TLL2: variants seen among roughly 807,000 people sequenced by gnomAD.
TLL2 encodes the protein tolloid-like protein 2.
In TLL2, 106 loss-of-function variants were observed where a neutral mutation model predicts 123.0. The observed-to-expected ratio is 0.86, with a 90% CI of 0.74 to 1.01. The LOEUF (loss-of-function observed/expected upper bound fraction) is 1.01. Ranked by LOEUF, TLL2 falls within the 50% of genes least tolerant of loss-of-function variation. TLL2 has a pLI of 0.00. For synonymous variants in TLL2, 494 were observed against 516.8 expected, an observed-to-expected ratio of 0.96 and a Z score of 0.60; for missense variants, 1,332 against 1,336.7, an observed-to-expected ratio of 1.00 and a Z score of 0.06.
intron 2 of TLL2, among the ~76,000 whole-genome samples, chr10:96,447,190 T>C (rs1299609142): frequency 6.6e-6 from 1 of 152,184 alleles, no homozygotes; most frequent in African/African-American, 2.4e-5. Flanking sequence ...AGACGGGGAC[T>C]GGGCTTGTCA....
At chr10:96,427,222 T>G (rs1004094301) in intron 5 of TLL2, among the ~76,000 whole-genome samples, 1 of 152,236 alleles carries the variant, frequency 6.6e-6, no homozygotes, top group Non-Finnish European at 1.5e-5. Flanking sequence ...GAAAATATCT[T>G]AATGCTATTT....
At chr10:96,447,571 ATGCCACC>A (rs1554937242) in intron 2 of TLL2, among the ~76,000 whole-genome samples, 2 of 152,174 alleles carry the variant, frequency 1.3e-5, no homozygotes, top group Non-Finnish European at 2.9e-5. Context: ...GGGGCCACCA[ATGCCACC>A]TGCCCTTGGA....
At chr10:96,387,121 C>T (rs1589408509) in intron 13 of TLL2, 43 bp from the exon 14 acceptor site, 1 of 1,599,154 alleles carries the variant, frequency 6.3e-7, no homozygotes, top group Admixed American at 1.7e-5. Flanking sequence ...TGTCAGGAAG[C>T]CTCCTGGCTG....
At chr10:96,454,213 G>A (rs1407230899) in intron 2 of TLL2, among the ~76,000 whole-genome samples, 1 of 152,120 alleles carries the variant, frequency 6.6e-6, no homozygotes, top group African/African-American at 2.4e-5. Flanking sequence ...AGCTTTTGAG[G>A]GGGAATGAGA....
intron 2 of TLL2, among the ~76,000 whole-genome samples, chr10:96,452,599 T>G (rs1846972654): frequency 6.6e-6 from 1 of 152,194 alleles, no homozygotes; most frequent in African/African-American, 2.4e-5. Flanking sequence ...AAACTGAGGC[T>G]CATGAATAAG....
chr10:96,439,416 T>C (rs950662142), intron 3 of TLL2, among the ~76,000 whole-genome samples: 3 of 152,018 alleles, frequency 2.0e-5, no homozygotes, highest in Non-Finnish European at 4.4e-5. Flanking sequence ...ACTCCTGCTC[T>C]AAAACTTGCC....
intron 5 of TLL2, among the ~76,000 whole-genome samples, chr10:96,425,356 T>C (rs1846669422): frequency 2.0e-5 from 3 of 151,858 alleles, no homozygotes; most frequent in African/African-American, 4.8e-5. Context: ...GTTCTAAAAA[T>C]ATGTATGCAT....
At chr10:96,381,566 A>G (rs993127757) in intron 16 of TLL2, among the ~76,000 whole-genome samples, 1 of 152,160 alleles carries the variant, frequency 6.6e-6, no homozygotes, top group Non-Finnish European at 1.5e-5. Flanking sequence ...TCCATCCTTT[A>G]AAACCTGGCT....
At chr10:96,434,452 G>A (rs145073353) in intron 3 of TLL2, among the ~76,000 whole-genome samples, 144 of 152,236 alleles carry the variant, frequency 9.5e-4, no homozygotes, top group African/African-American at 3.5e-3. Flanking sequence ...ACCACATGTG[G>A]CCTTTTGTGT....
At chr10:96,472,325 T>C (rs1243708649) in intron 2 of TLL2, among the ~76,000 whole-genome samples, 6 of 152,088 alleles carry the variant, frequency 3.9e-5, no homozygotes, top group African/African-American at 2.4e-5. Context: ...CCATTCTCAT[T>C]TGGACACTTG....
intron 18 of TLL2, chr10:96,374,483 A>G (rs1846116223): frequency 6.6e-6 from 1 of 152,480 alleles, no homozygotes; most frequent in Admixed American, 6.5e-5. Context: ...ACGCTGCTCC[A>G]GGCAGCACCC....
At chr10:96,474,083 G>A (rs1847212750) in intron 2 of TLL2, among the ~76,000 whole-genome samples, 1 of 152,152 alleles carries the variant, frequency 6.6e-6, no homozygotes, top group African/African-American at 2.4e-5. Context: ...ACTCTGTAAT[G>A]TTAATTCAAG....
chr10:96,382,081 T>C (rs908033127), intron 16 of TLL2, among the ~76,000 whole-genome samples: 2 of 152,218 alleles, frequency 1.3e-5, no homozygotes, highest in Non-Finnish European at 2.9e-5. Context: ...TTTCTTTTTT[T>C]TTTTGAGACG....
intron 2 of TLL2, among the ~76,000 whole-genome samples, chr10:96,475,436 C>G (rs1024154139): frequency 6.6e-6 from 1 of 152,214 alleles, no homozygotes; most frequent in Admixed American, 6.5e-5. Flanking sequence ...CTCTAGCTGG[C>G]AATATGATGG....
intron 3 of TLL2, among the ~76,000 whole-genome samples, chr10:96,435,198 A>T (rs1846785013): frequency 6.6e-6 from 1 of 151,450 alleles, no homozygotes; most frequent in African/African-American, 2.4e-5. Context: ...CACCCAGCTA[A>T]TTTTTTGTAT....
chr10:96,439,734 G>A (rs559333186), intron 3 of TLL2, among the ~76,000 whole-genome samples: 1 of 152,164 alleles, frequency 6.6e-6, no homozygotes, highest in Non-Finnish European at 1.5e-5. Context: ...CAGAAAGTTG[G>A]TATGTAATAC....
intron 9 of TLL2, among the ~76,000 whole-genome samples, chr10:96,407,212 T>A (rs1168729184): frequency 6.6e-6 from 1 of 152,084 alleles, no homozygotes; most frequent in Non-Finnish European, 1.5e-5. Flanking sequence ...GCAACCTGTT[T>A]CCCAGTGTTC....
At position 96,413,193 on chromosome 10, in the gene TLL2, T is replaced by C. The variant is rs375619986; in HGVS notation, c.1047A>G (p.Pro349=). ...IAQARKLYKC[P]ACGETLQDTT... ...GCAGTCCCCACGGCTCATAGTTACCTGGGCATTTGTACAGCTTCCGGGCTT... is the reference window on the plus strand; with the variant it reads ...GCAGTCCCCACGGCTCATAGTTACCCGGGCATTTGTACAGCTTCCGGGCTT... The change falls in exon 8 of 21, where the codon CCA becomes CCG. Residue 349 remains proline, a splice_region_variant and synonymous_variant. Transcript: ENST00000357947. The C allele has an allele frequency of 1.9e-6, 3 of 1,613,992 alleles. No homozygotes were observed. Among genetic ancestry groups the C allele is most frequent in the South Asian group, 2.2e-5 (2 of 91,072 alleles).
chr10:96,494,073 C>T (rs1034929696), intron 1 of TLL2, among the ~76,000 whole-genome samples: 3 of 152,194 alleles, frequency 2.0e-5, no homozygotes, highest in African/African-American at 7.2e-5. Context: ...GCAGGAAGTG[C>T]TCTGCCAACA....
Sources: gnomAD v4.1 joint callset for allele counts (sites outside exome capture counted in the v4.1 genomes callset) on GRCh38, gnomAD v4.1.1 for gene constraint, MANE v1.5 for transcripts, NCBI Gene and HGNC (gene_info 2026-07-23, HGNC 2026-07-21) for gene names.